The following RBM4 variants were observed in gnomAD, a reference collection of about 807,000 sequenced individuals.
RBM4 encodes the protein RNA binding motif protein 4, also known as RNA-binding protein 4.
In RBM4, 7 loss-of-function variants were observed where a neutral mutation model predicts 29.5. That is an observed-to-expected ratio of 0.24 (90% CI 0.14 to 0.45). RBM4 has a LOEUF of 0.45. Among genes scored for constraint, RBM4 ranks in the 20% least tolerant of loss-of-function variants. RBM4 has a pLI of 1.00. For synonymous variants in RBM4, 220 were observed against 205.4 expected, an observed-to-expected ratio of 1.07 and a Z score of -0.61; for missense variants, 387 against 502.3, an observed-to-expected ratio of 0.77 and a Z score of 2.19.
intron 2 of RBM4, among the ~76,000 whole-genome samples, chr11:66,662,088 T>C (rs1489401724): frequency 6.6e-6 from 1 of 152,246 alleles, no homozygotes; most frequent in Non-Finnish European, 1.5e-5. Context: ...AAAGGTTTTC[T>C]AAAATAAAAA....
Position 66,643,356 on chromosome 11 carries a change from C to T in RBM4, c.413-94C>T, listed in dbSNP as rs1938550130. 4.9e-6 allele frequency: 7 copies of T among 1,435,686 alleles called. No individual in the cohort carries two copies. The highest frequency in any genetic ancestry group is 1.8e-4 in the Middle Eastern group (1 of 5,428). 88.9% of individuals were successfully genotyped at this position (1,435,686 alleles called of 1,614,324 possible). On this transcript the variant is annotated intron_variant, in intron 2 of 3. Transcript: ENST00000310092. This position sits in a 1 kb window ranked among gnomAD's most constrained non-coding sequence, Gnocchi z 6.1. ...AAGATGAGTCCTGCATTAGAATTGT[C>T]TAGATAAAGCCATTGCTATGACCAG...
At chr11:66,648,000 C>G (rs1366989630), downstream of RBM4, among the ~76,000 whole-genome samples, 1 of 151,976 alleles carries the variant, frequency 6.6e-6, no homozygotes. Flanking sequence ...GTCAGGAGTT[C>G]GTGACCATCC....
chr11:66,665,281 AG>A (rs1939183934), intron 2 of RBM4: 2 of 417,870 alleles, frequency 4.8e-6, no homozygotes, highest in Non-Finnish European at 8.7e-6. Flanking sequence ...TTCAACTCCT[AG>A]GGAAAGCAAG....
chr11:66,657,461 C>G (rs149352111), intron 2 of RBM4, among the ~76,000 whole-genome samples: 3 of 151,496 alleles, frequency 2.0e-5, no homozygotes. Context: ...GGGGGTGGAT[C>G]ACTTGAGGTC....
chr11:66,659,647 C>A (rs528090901), intron 2 of RBM4, among the ~76,000 whole-genome samples: 5 of 152,222 alleles, frequency 3.3e-5, no homozygotes, highest in African/African-American at 9.6e-5. Flanking sequence ...ACTCTAAAAT[C>A]ATTTCTCCTT....
intron 2 of RBM4, among the ~76,000 whole-genome samples, chr11:66,642,085 A>G (rs943639289): frequency 1.7e-4 from 26 of 152,236 alleles, no homozygotes; most frequent in African/African-American, 5.8e-4. Context: ...GCATAATTGC[A>G]TATCTACTCT....
chr11:66,639,131 C>T (rs1313125487), intron 1 of RBM4: 3 of 152,468 alleles, frequency 2.0e-5, no homozygotes, highest in South Asian at 2.1e-4. Context: ...CAGTGTTCGG[C>T]AGGAGCTAGG....
intron 2 of RBM4, among the ~76,000 whole-genome samples, chr11:66,663,728 G>GTATATATA (rs1487153349): frequency 5.9e-5 from 9 of 151,484 alleles, no homozygotes; most frequent in African/African-American, 2.2e-4. Flanking sequence ...GTGTGTGTGT[G>GTATATATA]TATATATGTT....
Position 66,643,320 on chromosome 11 carries a change from A to C in RBM4, c.413-130A>C. 8.8e-7 allele frequency: 1 copy of C among 1,134,464 alleles called. No individual in the cohort carries two copies. The highest frequency in any genetic ancestry group is 1.2e-6 in the Non-Finnish European group (1 of 863,192). The allele number at this position is 1,134,464 out of a possible 1,614,324, so 70.3% of individuals were successfully genotyped here. A position where few individuals can be genotyped will look rare whatever the true frequency, so the allele number is the denominator to read the frequency against. ...TGAGTCTTTTTTTTTTTTCCTTTTT[A>C]TCTTTTCCTAAAGATGAGTCCTGCA... On this transcript the variant is annotated intron_variant, in intron 2 of 3. Coordinates refer to ENST00000310092, the MANE Select transcript of RBM4 (RefSeq NM_002896.4). The surrounding 1 kb of genome is among the most constrained non-coding windows in gnomAD (Gnocchi z 6.1).
At position 66,640,136 on chromosome 11, in the gene RBM4, CTT is replaced by C; in HGVS notation, c.412+15_412+16del. 6.2e-7 allele frequency: 1 copy of C among 1,614,148 alleles called. No individual in the cohort carries two copies. The highest frequency in any genetic ancestry group is 8.5e-7 in the Non-Finnish European group (1 of 1,180,000). On this transcript the variant is annotated intron_variant, in intron 2 of 3. Transcript: ENST00000310092. ...ACAGAGTTTCAAGGTGAACCACCCT[CTT>C]TGGGTAGAGGGCTGAACACAAGGCT...
intron 3 of RBM4, chr11:66,644,678 T>C (rs1159500763): frequency 1.1e-5 from 11 of 984,800 alleles, no homozygotes; most frequent in Non-Finnish European, 1.3e-5. Flanking sequence ...CATCTTAATC[T>C]TGAAGCGTAT....
chr11:66,658,928 G>A (rs1189981070), intron 2 of RBM4, among the ~76,000 whole-genome samples: 4 of 103,236 alleles, frequency 3.9e-5, no homozygotes, highest in African/African-American at 1.2e-4. Context: ...CAGAGCAAGA[G>A]TGTCTCTCAA....
At chr11:66,658,617 G>A (rs1307905595) in intron 2 of RBM4, among the ~76,000 whole-genome samples, 5 of 151,830 alleles carry the variant, frequency 3.3e-5, no homozygotes, top group East Asian at 3.9e-4. Context: ...ACAGTGCTGC[G>A]AGTACCAAAT....
chr11:66,666,302 G>T, exon 3 of RBM4: 2 of 1,065,408 alleles, frequency 1.9e-6, no homozygotes, highest in South Asian at 3.1e-5. Flanking sequence ...ACAGACAAAG[G>T]GCCAAATCTT....
At chr11:66,658,352 T>TTTTC (rs1938999197) in intron 2 of RBM4, among the ~76,000 whole-genome samples, 1 of 148,128 alleles carries the variant, frequency 6.8e-6, no homozygotes, top group East Asian at 2.0e-4. Context: ...TTTTTTTTTT[T>TTTTC]TTTTTTTTTT....
At chr11:66,666,460 A>G (rs1939233320) in exon 3 of RBM4, 1 of 986,954 alleles carries the variant, frequency 1.0e-6, no homozygotes, top group Non-Finnish European at 1.2e-6. Context: ...ACTGCAACCA[A>G]CTCAGGGTTA....
Position 66,643,757 on chromosome 11 carries a change from C to T in RBM4, c.720C>T (p.Ser240=), listed in dbSNP as rs372104227. ...SYEAVAAAAA[S]VYNYAEQTLS... is the part of the protein sequence containing the mutation. ...AGGCAGTGGCAGCTGCAGCTGCCTC[C>T]GTGTATAATTACGCAGAGCAGACCC... The change falls in exon 3 of 4, where the codon TCC becomes TCT. Residue 240 remains serine (S), a synonymous_variant. Transcript: ENST00000310092. This position sits in a 1 kb window ranked among gnomAD's most constrained non-coding sequence, Gnocchi z 6.1. 1.2e-5 allele frequency: 20 copies of T among 1,613,934 alleles called. No individual in the cohort carries two copies. The highest frequency in any genetic ancestry group is 5.3e-5 in the African/African-American group (4 of 74,880).
At chr11:66,654,329 A>G (rs1938897852) in intron 2 of RBM4, among the ~76,000 whole-genome samples, 1 of 151,622 alleles carries the variant, frequency 6.6e-6, no homozygotes, top group South Asian at 2.1e-4. Flanking sequence ...GTCTCTACTA[A>G]AAATACAAAA....
At chr11:66,662,275 T>G (rs912530318) in intron 2 of RBM4, among the ~76,000 whole-genome samples, 1 of 152,188 alleles carries the variant, frequency 6.6e-6, no homozygotes, top group African/African-American at 2.4e-5. Flanking sequence ...TAGCCACAAA[T>G]TGGACAGCAC....
Sources: allele counts gnomAD v4.1 joint callset (sites outside exome capture counted in the v4.1 genomes callset), GRCh38; gene constraint gnomAD v4.1.1; non-coding constraint Gnocchi (gnomAD v3.1); transcripts MANE v1.5; gene names NCBI Gene and HGNC (gene_info 2026-07-23, HGNC 2026-07-21).